The following CAMTA1 variants were observed in gnomAD, a reference collection of about 807,000 sequenced individuals.
The protein encoded by CAMTA1 is calmodulin binding transcription activator 1.
Under a neutral mutation model 170.9 loss-of-function variants are expected in CAMTA1, and 27 were observed. The ratio of observed to expected loss-of-function variants is 0.16; its 90% CI spans 0.12 to 0.22. The LOEUF (loss-of-function observed/expected upper bound fraction) is 0.22. Ranked by LOEUF, CAMTA1 falls within the 10% of genes least tolerant of loss-of-function variation. The pLI is 1.00. For synonymous variants in CAMTA1, 833 were observed against 891.5 expected (o/e 0.93, Z 1.17); for missense variants, 1,619 against 2,217.2 (o/e 0.73, Z 5.42).
At chr1:6,908,329 G>C (rs1678991827) in intron 3 of CAMTA1, among the ~76,000 whole-genome samples, 1 of 152,232 alleles carries the variant, frequency 6.6e-6, no homozygotes, top group African/African-American at 2.4e-5. Flanking sequence ...GACAGGCCAG[G>C]GTTCTTGCCT....
intron 3 of CAMTA1, among the ~76,000 whole-genome samples, chr1:6,978,213 CA>C (rs1012030802): frequency 1.1e-4 from 16 of 151,998 alleles, no homozygotes; most frequent in Non-Finnish European, 2.4e-4. Flanking sequence ...TTGAAAATAA[CA>C]AAAAAAGTAT....
chr1:6,839,044 A>G (rs1204188065), intron 3 of CAMTA1, among the ~76,000 whole-genome samples: 1 of 152,068 alleles, frequency 6.6e-6, no homozygotes, highest in Non-Finnish European at 1.5e-5. Flanking sequence ...GGTGTGAGCC[A>G]TCGTGCTCAG....
At chr1:7,026,583 C>T (rs1276097631) in intron 3 of CAMTA1, among the ~76,000 whole-genome samples, 2 of 149,638 alleles carry the variant, frequency 1.3e-5, no homozygotes, top group African/African-American at 4.9e-5. Flanking sequence ...CCGTGAGGAA[C>T]ATTTCTCTAA....
chr1:7,406,103 C>T (rs1310029140), intron 5 of CAMTA1, among the ~76,000 whole-genome samples: 1 of 152,238 alleles, frequency 6.6e-6, no homozygotes, highest in Non-Finnish European at 1.5e-5. Context: ...GCAGCATGGG[C>T]TCCTGGTGCC....
chr1:6,859,702 T>A (rs548343204), intron 3 of CAMTA1, among the ~76,000 whole-genome samples: 1 of 152,226 alleles, frequency 6.6e-6, no homozygotes, highest in South Asian at 2.1e-4. Flanking sequence ...GGTGGGAGGA[T>A]CACTTGAGCC....
rs2094525563 is a variant in CAMTA1 at position 7,534,371 on chromosome 1, C to A, written c.510+66470C>A. 6.6e-6 allele frequency among the ~76,000 whole-genome samples: 1 copy of A among 152,228 alleles called. No homozygotes were observed. The highest frequency in any genetic ancestry group is 1.5e-5 in the Non-Finnish European group (1 of 68,044). ...AGGGAGGAATTAAATCTTCCTGACA[C>A]CCCGGGGCCACACGGGGAGAGCTTG... On this transcript the variant is annotated intron_variant, in intron 6 of 22. Coordinates refer to ENST00000303635, the MANE Select transcript of CAMTA1 (RefSeq NM_015215.4). The surrounding 1 kb of genome is among the most constrained non-coding windows in gnomAD (Gnocchi z 5.6).
chr1:7,026,868 T>C (rs958016042), intron 3 of CAMTA1, among the ~76,000 whole-genome samples: 1 of 152,172 alleles, frequency 6.6e-6, no homozygotes, highest in African/African-American at 2.4e-5. Context: ...GACCTCATGA[T>C]CCACCCACCT....
At chr1:7,252,772 C>T (rs1037583783) in intron 5 of CAMTA1, among the ~76,000 whole-genome samples, 1 of 152,178 alleles carries the variant, frequency 6.6e-6, no homozygotes, top group Non-Finnish European at 1.5e-5. Flanking sequence ...GGCTGTTTTC[C>T]TCAGTTCAGG....
In CAMTA1 at chr1:7,121,510, G is replaced by A. The variant is rs115001554; in HGVS notation, c.302+30139G>A. 2.8e-3 allele frequency among the ~76,000 whole-genome samples: 430 copies of A among 152,306 alleles called. 1 individual carries two copies. The highest frequency in any genetic ancestry group is 9.7e-3 in the African/African-American group (404 of 41,562). ...CACAAAAGAACTGGAGAACTCTTGC[G>A]GTCATGGGTGAAGTGCATGGAGGCA... On this transcript the variant is annotated intron_variant, in intron 4 of 22. Transcript: ENST00000303635.
At position 7,753,862 on chromosome 1, in the gene CAMTA1, C is replaced by T. The variant is rs75783320; in HGVS notation, c.4958+1329C>T. Among the ~76,000 whole-genome samples the T allele has an allele frequency of 4.7e-3, 723 of 152,298 alleles. 6 individuals carry two copies. The highest frequency in any genetic ancestry group is 0.016 in the African/African-American group (673 of 41,546). On this transcript the variant is annotated intron_variant, in intron 21 of 22. Transcript: ENST00000303635. ...CCATGATAGCTAATGAGTAACATACCAGTGTCAGTACTCTGAAACAGGAAG... is the reference window on the plus strand; with the variant it reads ...CCATGATAGCTAATGAGTAACATACTAGTGTCAGTACTCTGAAACAGGAAG...
intron 6 of CAMTA1, among the ~76,000 whole-genome samples, chr1:7,485,708 G>A (rs1004719082): frequency 1.3e-5 from 2 of 152,132 alleles, no homozygotes; most frequent in Non-Finnish European, 1.5e-5. Flanking sequence ...GAAACCATCC[G>A]GCCCAGTGCC....
chr1:7,180,037 G>C (rs1004824154), intron 4 of CAMTA1, among the ~76,000 whole-genome samples: 1 of 152,082 alleles, frequency 6.6e-6, no homozygotes, highest in Non-Finnish European at 1.5e-5. Flanking sequence ...AATGACAAAA[G>C]AGACATAACC....
At chr1:7,553,701 A>G (rs2094838815) in intron 6 of CAMTA1, among the ~76,000 whole-genome samples, 1 of 152,222 alleles carries the variant, frequency 6.6e-6, no homozygotes, top group Non-Finnish European at 1.5e-5. Context: ...CTTCCCAGAC[A>G]TCTCCAGGCA....
intron 3 of CAMTA1, among the ~76,000 whole-genome samples, chr1:6,962,276 C>A (rs562767863): frequency 2.0e-5 from 3 of 152,312 alleles, no homozygotes; most frequent in Non-Finnish European, 4.4e-5. Context: ...TTACTCCCCC[C>A]AGGTCAGCTG....
chr1:7,290,983 C>A (rs1036916611), intron 5 of CAMTA1, among the ~76,000 whole-genome samples: 1 of 152,100 alleles, frequency 6.6e-6, no homozygotes, highest in Non-Finnish European at 1.5e-5. Context: ...GGAACTGACC[C>A]CTGGTTTCCC....
chr1:7,411,200 G>T (rs1014968624), intron 5 of CAMTA1, among the ~76,000 whole-genome samples: 2 of 152,152 alleles, frequency 1.3e-5, no homozygotes, highest in African/African-American at 4.8e-5. Context: ...CTGTGGTTTG[G>T]AGGGGCCGCG....
chr1:6,836,577 G>A (rs1653206749), intron 3 of CAMTA1, among the ~76,000 whole-genome samples: 1 of 151,144 alleles, frequency 6.6e-6, no homozygotes, highest in Non-Finnish European at 1.5e-5. Flanking sequence ...GTCCACATGT[G>A]TGTGTATGTG....
chr1:7,522,654 A>G (rs946785973), intron 6 of CAMTA1, among the ~76,000 whole-genome samples: 3 of 152,164 alleles, frequency 2.0e-5, no homozygotes, highest in African/African-American at 7.2e-5. Flanking sequence ...TTTTGTTTAA[A>G]GCATAAGGTT....
intron 4 of CAMTA1, among the ~76,000 whole-genome samples, chr1:7,123,139 G>A (rs1034679982): frequency 6.6e-6 from 1 of 152,142 alleles, no homozygotes; most frequent in Non-Finnish European, 1.5e-5. Flanking sequence ...CCACATCTGG[G>A]TAGCTTCAAC....
Sources: allele counts gnomAD v4.1 joint callset (sites outside exome capture counted in the v4.1 genomes callset), GRCh38; gene constraint gnomAD v4.1.1; non-coding constraint Gnocchi (gnomAD v3.1); transcripts MANE v1.5; gene names NCBI Gene and HGNC (gene_info 2026-07-23, HGNC 2026-07-21).